Variants in MCTP2 observed in about 807,000 individuals in gnomAD.
MCTP2 encodes the protein multiple C2 and transmembrane domain containing 2.
A neutral mutation model predicts 111.6 loss-of-function variants in MCTP2; 132 were observed. The observed-to-expected ratio is 1.18, with a 90% CI of 1.03 to 1.37. The LOEUF (loss-of-function observed/expected upper bound fraction) is 1.37, where lower values mean the gene tolerates loss of function less well. Among genes scored for constraint, MCTP2 ranks in the 40% most tolerant of loss-of-function variants. The probability of loss-of-function intolerance (pLI) is 0.00; values close to 1 mark genes in which losing one functional copy is unlikely to be tolerated. For synonymous variants in MCTP2, 395 were observed against 387.7 expected, an observed-to-expected ratio of 1.02 and a Z score of -0.22; for missense variants, 1,183 against 1,067.9, an observed-to-expected ratio of 1.11 and a Z score of -1.50.
chr15:94,424,314 T>C (rs981937932), intron 17 of MCTP2, among the ~76,000 whole-genome samples: 2 of 152,250 alleles, frequency 1.3e-5, no homozygotes, highest in Non-Finnish European at 2.9e-5. Context: ...ATTTTGTTTT[T>C]TGGGTTTTTT....
intron 21 of MCTP2, among the ~76,000 whole-genome samples, chr15:94,471,430 CT>C (rs2073919676): frequency 1.3e-5 from 2 of 152,144 alleles, no homozygotes; most frequent in Admixed American, 6.5e-5. Context: ...TAAATATAGA[CT>C]TTTTCAAAGA....
intron 19 of MCTP2, among the ~76,000 whole-genome samples, chr15:94,456,118 C>T (rs909331916): frequency 2.0e-5 from 3 of 152,186 alleles, no homozygotes; most frequent in Non-Finnish European, 2.9e-5. Flanking sequence ...TTGTTTACTT[C>T]TACTCTTAAA....
Position 94,418,126 on chromosome 15 carries a change from C to T in MCTP2, c.2085+16107C>T, listed in dbSNP as rs187527771. On this transcript the variant is annotated intron_variant, in intron 17 of 22. Transcript: ENST00000357742. ...AGGAGTAAGTCATGAAGGAGTAAGT[C>T]GTAAGTGTTATGTTTAAGCTTTTAG... 1.6e-3 allele frequency among the ~76,000 whole-genome samples: 237 copies of T among 152,130 alleles called. 2 individuals are homozygous for T. Among genetic ancestry groups the T allele is most frequent in the Non-Finnish European group, 1.9e-3 (131 of 67,968 alleles).
chr15:94,472,726 A>G (rs1053621243), intron 21 of MCTP2, among the ~76,000 whole-genome samples: 1 of 152,238 alleles, frequency 6.6e-6, no homozygotes, highest in Non-Finnish European at 1.5e-5. Context: ...ATGTAGTTAC[A>G]AGCCTTGACA....
At chr15:94,316,112 A>G (rs1392381266) in intron 4 of MCTP2, among the ~76,000 whole-genome samples, 5 of 152,182 alleles carry the variant, frequency 3.3e-5, no homozygotes, top group Admixed American at 6.5e-5. Flanking sequence ...TTTATCTTTT[A>G]CAAGTCTCTA....
At chr15:94,236,949 G>A (rs565054579) in intron 1 of MCTP2, among the ~76,000 whole-genome samples, 1 of 152,198 alleles carries the variant, frequency 6.6e-6, no homozygotes, top group South Asian at 2.1e-4. Context: ...GTGGAGGTGG[G>A]TGATGAGAGA....
At chr15:94,442,435 CCA>C (rs2083834765) in intron 18 of MCTP2, among the ~76,000 whole-genome samples, 1 of 152,138 alleles carries the variant, frequency 6.6e-6, no homozygotes, top group African/African-American at 2.4e-5. Context: ...AATAATAATG[CCA>C]CAGAGAAACC....
At chr15:94,250,665 T>A (rs1194588657) in intron 1 of MCTP2, among the ~76,000 whole-genome samples, 2 of 152,192 alleles carry the variant, frequency 1.3e-5, no homozygotes, top group African/African-American at 4.8e-5. Flanking sequence ...TGAAATGACA[T>A]GAGCTGTGCA....
At chr15:94,348,044 A>G (rs1431273124) in intron 8 of MCTP2, among the ~76,000 whole-genome samples, 1 of 152,134 alleles carries the variant, frequency 6.6e-6, no homozygotes, top group Non-Finnish European at 1.5e-5. Context: ...ACATACTCTT[A>G]CGTAGCCTCT....
intron 1 of MCTP2, 118 bp from the exon 2 acceptor site, chr15:94,298,083 G>T: frequency 8.3e-6 from 4 of 481,544 alleles, no homozygotes; most frequent in Admixed American, 3.8e-5. Context: ...ATCATTTATT[G>T]GAAACTGTAA....
At chr15:94,244,085 C>G (rs1567256492) in intron 1 of MCTP2, among the ~76,000 whole-genome samples, 5 of 54,368 alleles carry the variant, frequency 9.2e-5, no homozygotes, top group Non-Finnish European at 2.4e-4. Context: ...TTTATGCACA[C>G]ATATGTATAC....
intron 4 of MCTP2, among the ~76,000 whole-genome samples, chr15:94,334,796 C>T (rs1254827729): frequency 6.6e-6 from 1 of 152,082 alleles, no homozygotes. Flanking sequence ...GATCCTCCTG[C>T]CTTGACCTCT....
chr15:94,332,007 G>C (rs550520820), intron 4 of MCTP2, among the ~76,000 whole-genome samples: 4 of 152,314 alleles, frequency 2.6e-5, no homozygotes, highest in African/African-American at 9.6e-5. Context: ...GAATGTGCAT[G>C]TTCTGTTTAT....
intron 8 of MCTP2, among the ~76,000 whole-genome samples, chr15:94,345,414 CA>C (rs2077925021): frequency 6.7e-6 from 1 of 150,126 alleles, no homozygotes; most frequent in African/African-American, 2.4e-5. Context: ...TAGAGTGTTA[CA>C]CTTCATTAAG....
intron 1 of MCTP2, among the ~76,000 whole-genome samples, chr15:94,233,118 T>C (rs2070304806): frequency 6.6e-6 from 1 of 152,112 alleles, no homozygotes; most frequent in South Asian, 2.1e-4. Context: ...ATATAAGAAT[T>C]CAAATTTATA....
chr15:94,382,127 A>G (rs1596529228), intron 12 of MCTP2, among the ~76,000 whole-genome samples: 1 of 152,354 alleles, frequency 6.6e-6, no homozygotes, highest in East Asian at 1.9e-4. Flanking sequence ...AGTGAGGCAA[A>G]GAAGCAGGAG....
intron 1 of MCTP2, among the ~76,000 whole-genome samples, chr15:94,289,305 G>A (rs941412383): frequency 2.0e-5 from 3 of 152,176 alleles, no homozygotes; most frequent in Non-Finnish European, 4.4e-5. Context: ...AATCATGGAG[G>A]CCAGGAGAAA....
intron 1 of MCTP2, among the ~76,000 whole-genome samples, chr15:94,255,851 A>G (rs116989373): frequency 1.3e-5 from 2 of 152,320 alleles, no homozygotes; most frequent in East Asian, 3.9e-4. Context: ...GAGTTATTAC[A>G]TTGTTTAGCA....
chr15:94,464,028 T>G (rs1384973751), intron 20 of MCTP2, among the ~76,000 whole-genome samples: 1 of 151,280 alleles, frequency 6.6e-6, no homozygotes, highest in Non-Finnish European at 1.5e-5. Context: ...TTGACTTATT[T>G]TGTGTTCTTG....
Sources: gnomAD v4.1 joint callset for allele counts (sites outside exome capture counted in the v4.1 genomes callset) on GRCh38, gnomAD v4.1.1 for gene constraint, MANE v1.5 for transcripts, NCBI Gene and HGNC (gene_info 2026-07-23, HGNC 2026-07-21) for gene names.